The following MSANTD5 variants were observed in gnomAD, a reference collection of about 807,000 sequenced individuals.
MSANTD5 encodes the protein Myb/SANT DNA binding domain containing 5.
chr5:178,696,231 TC>T (rs59642594), intron 1 of MSANTD5, 50 bp from the exon 2 acceptor site: 36,203 of 149,430 alleles, frequency 0.24, 5,209 homozygotes, highest in African/African-American at 0.41. Flanking sequence ...TCTCTCTCTC[TC>T]TTTTTTTTTG....
At chr5:178,692,888 G>C (rs181649148), downstream of MSANTD5, among the ~76,000 whole-genome samples, 2 of 152,058 alleles carry the variant, frequency 1.3e-5, no homozygotes, top group East Asian at 1.9e-4. Context: ...ATGATACTGT[G>C]TTTTCTGAGC....
At chr5:178,707,440 G>A in the MSANTD5 span, among the ~76,000 whole-genome samples, 3 of 151,206 alleles carry the variant, frequency 2.0e-5, no homozygotes, top group African/African-American at 4.9e-5. Flanking sequence ...CACTTCTGGC[G>A]GGGCGCGGTG....
upstream of MSANTD5, among the ~76,000 whole-genome samples, chr5:178,699,114 G>A (rs1581734478): frequency 6.6e-6 from 1 of 152,096 alleles, no homozygotes; most frequent in Non-Finnish European, 1.5e-5. Context: ...ACAAAAATCT[G>A]ACCAAGTTAT....
At chr5:178,700,174 A>G (rs1485758809), upstream of MSANTD5, among the ~76,000 whole-genome samples, 1 of 151,610 alleles carries the variant, frequency 6.6e-6, no homozygotes, top group Admixed American at 6.6e-5. Context: ...CATCCCTGGC[A>G]CTCCTCACAG....
downstream of MSANTD5, among the ~76,000 whole-genome samples, chr5:178,693,996 C>T (rs776276115): frequency 3.3e-5 from 5 of 151,948 alleles, no homozygotes; most frequent in Admixed American, 6.6e-5. Context: ...AATTTTAATA[C>T]GAGGATCTGG....
the MSANTD5 span, among the ~76,000 whole-genome samples, chr5:178,705,195 G>A: frequency 6.6e-6 from 1 of 152,038 alleles, no homozygotes; most frequent in Admixed American, 6.6e-5. Context: ...TTACAGGCAT[G>A]CGCAAGCAAT....
At chr5:178,693,111 A>G (rs1206679117), downstream of MSANTD5, among the ~76,000 whole-genome samples, 2 of 151,954 alleles carry the variant, frequency 1.3e-5, no homozygotes, top group Non-Finnish European at 2.9e-5. Context: ...GGAGTTTGAG[A>G]CCAGCCTGAC....
At chr5:178,701,706 T>G (rs1765485934), upstream of MSANTD5, among the ~76,000 whole-genome samples, 1 of 147,558 alleles carries the variant, frequency 6.8e-6, no homozygotes, top group African/African-American at 2.5e-5. Flanking sequence ...TATAAATATA[T>G]CTATATATTA....
downstream of MSANTD5, among the ~76,000 whole-genome samples, chr5:178,692,406 G>A (rs1021399185): frequency 4.0e-5 from 6 of 151,164 alleles, no homozygotes; most frequent in Non-Finnish European, 8.8e-5. Flanking sequence ...AATTAAACAT[G>A]CAATTATTAT....
the MSANTD5 span, among the ~76,000 whole-genome samples, chr5:178,705,024 G>C: frequency 6.6e-6 from 1 of 152,064 alleles, no homozygotes; most frequent in African/African-American, 2.4e-5. Context: ...AGTGGGTGCT[G>C]GGTATCAAGA....
At chr5:178,692,808 C>A (rs1765370465), downstream of MSANTD5, among the ~76,000 whole-genome samples, 1 of 151,702 alleles carries the variant, frequency 6.6e-6, no homozygotes, top group Admixed American at 6.6e-5. Context: ...CGTGCATGTC[C>A]CTCATAAAGG....
At chr5:178,702,301 CTT>C (rs372575693), upstream of MSANTD5, among the ~76,000 whole-genome samples, 11 of 133,352 alleles carry the variant, frequency 8.2e-5, no homozygotes, top group East Asian at 2.1e-4. Flanking sequence ...CTTTTTTTTT[CTT>C]TTTTTTTTTT....
chr5:178,700,059 C>T (rs963352500), upstream of MSANTD5, among the ~76,000 whole-genome samples: 1 of 152,118 alleles, frequency 6.6e-6, no homozygotes, highest in African/African-American at 2.4e-5. Context: ...TGTGTGGCCT[C>T]GGGGCCTTTG....
At chr5:178,700,571 G>C (rs988295629), upstream of MSANTD5, among the ~76,000 whole-genome samples, 3 of 97,424 alleles carry the variant, frequency 3.1e-5, no homozygotes, top group African/African-American at 1.0e-4. Flanking sequence ...TGGGAGATTA[G>C]ATTAGATTAG....
upstream of MSANTD5, among the ~76,000 whole-genome samples, chr5:178,698,392 C>T (rs1343556440): frequency 6.6e-6 from 1 of 151,960 alleles, no homozygotes; most frequent in African/African-American, 2.4e-5. Flanking sequence ...GGAAGCAACT[C>T]CTAGGTTGCT....
the MSANTD5 span, among the ~76,000 whole-genome samples, chr5:178,703,206 G>A: frequency 6.6e-6 from 1 of 152,254 alleles, no homozygotes; most frequent in Non-Finnish European, 1.5e-5. Flanking sequence ...GGAGTGAGGC[G>A]TGGGCACGCT....
chr5:178,707,163 T>C, the MSANTD5 span: 3 of 152,102 alleles, frequency 2.0e-5, no homozygotes, highest in Non-Finnish European at 4.4e-5. Flanking sequence ...TTCCAACAAA[T>C]TTCTGAGTGC....
chr5:178,693,889 A>G (rs1312679926), downstream of MSANTD5, among the ~76,000 whole-genome samples: 1 of 152,030 alleles, frequency 6.6e-6, no homozygotes, highest in Non-Finnish European at 1.5e-5. Context: ...TCTCAATGAG[A>G]CCACCCACAA....
chr5:178,703,980 CA>C, the MSANTD5 span, among the ~76,000 whole-genome samples: 2,427 of 60,232 alleles, frequency 0.04, 28 homozygotes, highest in African/African-American at 0.12. Flanking sequence ...GACTCCGTCT[CA>C]AAAAAAAAAA....
Sources: allele counts gnomAD v4.1 joint callset (sites outside exome capture counted in the v4.1 genomes callset), GRCh38; gene constraint gnomAD v4.1.1; transcripts MANE v1.5; gene names NCBI Gene and HGNC (gene_info 2026-07-23, HGNC 2026-07-21).